The following CCDC73 variants were observed in gnomAD, a reference collection of about 807,000 sequenced individuals.
The protein encoded by CCDC73 is coiled-coil domain-containing protein 73.
CCDC73 carries 95 observed loss-of-function variants against 116.5 expected under a neutral mutation model. The observed-to-expected ratio is 0.82, with a 90% confidence interval of 0.69 to 0.97. The LOEUF (loss-of-function observed/expected upper bound fraction) is 0.97, where lower values mean the gene tolerates loss of function less well. Ranked by LOEUF, CCDC73 falls within the 50% of genes least tolerant of loss-of-function variation. The pLI is 0.00. For missense variants in CCDC73, 1,066 were observed against 1,206.8 expected (o/e 0.88, Z 1.73); for synonymous variants, 398 against 401.3 (o/e 0.99, Z 0.10).
chr11:32,628,197 A>G (rs1855594414), intron 14 of CCDC73, among the ~76,000 whole-genome samples: 1 of 152,190 alleles, frequency 6.6e-6, no homozygotes, highest in African/African-American at 2.4e-5. Context: ...CTCTGAGAGA[A>G]AGAGGAAAAA....
At chr11:32,813,122 T>C in the CCDC73 span, among the ~76,000 whole-genome samples, 1 of 152,324 alleles carries the variant, frequency 6.6e-6, no homozygotes, top group Admixed American at 6.5e-5. Context: ...CAATTTTCTG[T>C]TTTGAAATTA....
At chr11:32,667,629 C>T (rs1855998293) in intron 9 of CCDC73, among the ~76,000 whole-genome samples, 1 of 152,194 alleles carries the variant, frequency 6.6e-6, no homozygotes, top group Non-Finnish European at 1.5e-5. Context: ...CGATGCCTCG[C>T]CCTGCTTCAG....
At chr11:32,800,940 T>C in the CCDC73 span, among the ~76,000 whole-genome samples, 1 of 152,222 alleles carries the variant, frequency 6.6e-6, no homozygotes, top group East Asian at 1.9e-4. Flanking sequence ...AATAAAGTTA[T>C]TGTCTCAGAT....
intron 1 of CCDC73, among the ~76,000 whole-genome samples, chr11:32,761,684 G>A (rs953936548): frequency 1.3e-5 from 2 of 152,110 alleles, no homozygotes; most frequent in Admixed American, 1.3e-4. Context: ...AGAATAGGAT[G>A]GGTATGTGTG....
At chr11:32,748,380 C>T (rs534529054) in intron 2 of CCDC73, among the ~76,000 whole-genome samples, 16 of 152,144 alleles carry the variant, frequency 1.1e-4, no homozygotes, top group Non-Finnish European at 1.8e-4. Context: ...CAAATTAATA[C>T]TGATTGCATA....
At chr11:32,718,498 G>A (rs988470294) in intron 2 of CCDC73, among the ~76,000 whole-genome samples, 1 of 152,144 alleles carries the variant, frequency 6.6e-6, no homozygotes, top group African/African-American at 2.4e-5. Context: ...CCTGAAATAG[G>A]GAGGTTTGTA....
At chr11:32,702,429 T>G (rs1849821674) in intron 4 of CCDC73, among the ~76,000 whole-genome samples, 1 of 152,172 alleles carries the variant, frequency 6.6e-6, no homozygotes, top group Admixed American at 6.5e-5. Context: ...GAGGCTACAG[T>G]GCATAATAAT....
At chr11:32,652,819 C>T (rs1011398922) in intron 12 of CCDC73, among the ~76,000 whole-genome samples, 5 of 151,906 alleles carry the variant, frequency 3.3e-5, no homozygotes, top group Non-Finnish European at 5.9e-5. Context: ...TGGATTGTGA[C>T]CACAATTCTA....
upstream of CCDC73, among the ~76,000 whole-genome samples, chr11:32,795,054 T>C (rs1850712503): frequency 6.6e-6 from 1 of 152,132 alleles, no homozygotes; most frequent in Non-Finnish European, 1.5e-5. Flanking sequence ...AAGTATTACC[T>C]GTGGGGAGCA....
chr11:32,623,183 T>A (rs1855538766), intron 14 of CCDC73, among the ~76,000 whole-genome samples: 1 of 151,628 alleles, frequency 6.6e-6, no homozygotes, highest in Admixed American at 6.6e-5. Context: ...ATTTTTGTAT[T>A]TTTAGTAGAG....
chr11:32,731,033 G>A (rs567102321), intron 2 of CCDC73, among the ~76,000 whole-genome samples: 1 of 148,258 alleles, frequency 6.7e-6, no homozygotes, highest in Admixed American at 6.6e-5. Context: ...GCCAAGGGAA[G>A]CCATGACAGA....
At chr11:32,788,094 C>T (rs939458960) in intron 1 of CCDC73, among the ~76,000 whole-genome samples, 1 of 152,174 alleles carries the variant, frequency 6.6e-6, no homozygotes, top group African/African-American at 2.4e-5. Flanking sequence ...GTCTTCCACA[C>T]TTTTGTATTC....
the CCDC73 span, among the ~76,000 whole-genome samples, chr11:32,815,194 T>G: frequency 1.3e-5 from 2 of 152,206 alleles, no homozygotes; most frequent in African/African-American, 4.8e-5. Context: ...ATGATTTATA[T>G]CTTAAATTTT....
chr11:32,793,373 T>C (rs1367059066), intron 1 of CCDC73, among the ~76,000 whole-genome samples: 1 of 152,190 alleles, frequency 6.6e-6, no homozygotes, highest in Non-Finnish European at 1.5e-5. Context: ...ATAGATTTTT[T>C]CTTCAAGGTA....
intron 16 of CCDC73, 94 bp downstream of exon 16, chr11:32,613,326 CTT>C: frequency 9.2e-7 from 1 of 1,081,430 alleles, no homozygotes; most frequent in Non-Finnish European, 1.3e-6. Context: ...ATAAGACGAA[CTT>C]TTAAAACAAA....
At chr11:32,724,118 T>C (rs1413076134) in intron 2 of CCDC73, among the ~76,000 whole-genome samples, 1 of 152,132 alleles carries the variant, frequency 6.6e-6, no homozygotes, top group East Asian at 1.9e-4. Context: ...ATTCTATCCA[T>C]ACCATTTTTA....
chr11:32,741,909 T>C lies in CCDC73; in HGVS notation c.135+18200A>G, dbSNP rs189541440. On this transcript the variant is annotated intron_variant, in intron 2 of 17. Coordinates refer to ENST00000335185, the MANE Select transcript of CCDC73 (RefSeq NM_001008391.4). The stretch of plus-strand genomic sequence containing the variant: ...CACTTATGAGTGAGAACATGTGGTG[T>C]TTGGTTTTCTGATCTTGTGATAGTT... 1.3e-3 allele frequency among the ~76,000 whole-genome samples: 195 copies of C among 152,224 alleles called. 5 individuals are homozygous for C. Among genetic ancestry groups the C allele is most frequent in the Admixed American group, 0.012 (188 of 15,296 alleles).
chr11:32,798,319 A>C (rs922758643), upstream of CCDC73, among the ~76,000 whole-genome samples: 2 of 152,250 alleles, frequency 1.3e-5, no homozygotes, highest in African/African-American at 4.8e-5. Flanking sequence ...ATTTTAGACG[A>C]GGTCTCGCTC....
At chr11:32,789,919 C>G (rs1850660947) in intron 1 of CCDC73, among the ~76,000 whole-genome samples, 1 of 152,144 alleles carries the variant, frequency 6.6e-6, no homozygotes, top group South Asian at 2.1e-4. Context: ...GGTCAGTCAG[C>G]CTGAGGAAGG....
Sources: allele counts gnomAD v4.1 joint callset (sites outside exome capture counted in the v4.1 genomes callset), GRCh38; gene constraint gnomAD v4.1.1; transcripts MANE v1.5; gene names NCBI Gene and HGNC (gene_info 2026-07-23, HGNC 2026-07-21).